The following BOP1 variants were observed in gnomAD, a reference collection of about 807,000 sequenced individuals.
BOP1 encodes the protein BOP1 ribosomal biogenesis factor.
A neutral mutation model predicts 82.9 loss-of-function variants in BOP1; 54 were observed. That is an observed-to-expected ratio of 0.65 (90% CI 0.52 to 0.82). The LOEUF (loss-of-function observed/expected upper bound fraction) is 0.82, where lower values mean the gene tolerates loss of function less well. Ranked by LOEUF, BOP1 falls within the 40% of genes least tolerant of loss-of-function variation. The pLI, the probability that BOP1 is intolerant of heterozygous loss-of-function variation, is 0.00. For missense variants in BOP1, 1,170 were observed against 1,072.0 expected, an observed-to-expected ratio of 1.09 and a Z score of -1.28; for synonymous variants, 566 against 451.1, an observed-to-expected ratio of 1.25 and a Z score of -3.23.
intron 2 of BOP1, among the ~76,000 whole-genome samples, chr8:144,284,034 T>G (rs567697319): frequency 2.6e-5 from 4 of 152,280 alleles, no homozygotes; most frequent in East Asian, 3.9e-4. Context: ...GGAGAATCAC[T>G]TGAACCCAGG....
At chr8:144,288,095 G>A (rs376483045) in intron 2 of BOP1, among the ~76,000 whole-genome samples, 7 of 151,886 alleles carry the variant, frequency 4.6e-5, no homozygotes, top group South Asian at 2.1e-4. Flanking sequence ...GTGAAACCCC[G>A]TCACTACTAA....
intron 3 of BOP1, chr8:144,268,520 A>C (rs1588593267): frequency 1.4e-5 from 4 of 290,954 alleles, no homozygotes; most frequent in Non-Finnish European, 1.9e-5. Context: ...TTCAGAATCC[A>C]CCCCCAGCCC....
rs1845310923 is a variant in BOP1 at position 144,264,499 on chromosome 8, G to A, written c.765+16C>T. ...GCGGTCAGCCCAGGCCAAGCCCCAG[G>A]GGCTGTGTGCCCCACCTTCTCCTTC... On this transcript the variant is annotated intron_variant, in intron 6 of 15. Transcript: ENST00000569669. 3 of 1,609,126 alleles carry A rather than the reference G, an allele frequency of 1.9e-6. No individual in the cohort carries two copies. The highest frequency in any genetic ancestry group is 2.7e-5 in the African/African-American group (2 of 74,878).
chr8:144,282,782 A>G (rs1199727977), intron 2 of BOP1, among the ~76,000 whole-genome samples: 1 of 152,072 alleles, frequency 6.6e-6, no homozygotes, highest in Non-Finnish European at 1.5e-5. Context: ...TCATGCCAAC[A>G]GTCAGGGGAG....
intron 2 of BOP1, among the ~76,000 whole-genome samples, chr8:144,286,946 G>A (rs183141001): frequency 1.4e-3 from 207 of 152,368 alleles, no homozygotes; most frequent in Non-Finnish European, 9.0e-4. Context: ...AGAAGATGGC[G>A]CCTCCCTAGA....
chr8:144,264,816 G>C lies in BOP1; in HGVS notation c.561C>G (p.Asp187Glu). The change falls in exon 5 of 16, where the codon GAC becomes GAG. Residue 187 changes from aspartate (D) to glutamate (E), a missense_variant. Physicochemically the swap from Asp to Glu is conservative, Grantham distance 45. Transcript: ENST00000569669. ...GTCTCAGGTCCCGCCCTGTCATCGG[G>C]TCCTGCACGGTGCGCCTGGAGACCG... ...DDPDYWRTVQ[D>E]PMTGRDLRLT... 2 of 1,609,426 alleles carry C rather than the reference G, an allele frequency of 1.2e-6. No homozygotes were observed. The highest frequency in any genetic ancestry group is 2.2e-5 in the South Asian group (2 of 90,806).
At position 144,264,067 on chromosome 8, in the gene BOP1, C is replaced by T. The variant is rs987446726; in HGVS notation, c.1054G>A (p.Ala352Thr). ...FLPRKFPSLR[A>T]VPAYGRFIQE... ...ATGAAGCGTCCGTAGGCAGGCACGG[C>T]CCGCAGGCTCGGGAACTTGCGTGGC... The change falls in exon 8 of 16, where the codon GCC becomes ACC. Residue 352 changes from alanine to threonine, a missense_variant. Physicochemically the swap from Ala to Thr is moderately conservative, Grantham distance 58. Transcript: ENST00000569669. 3 of 1,610,020 alleles carry T rather than the reference C, an allele frequency of 1.9e-6. No homozygotes were observed. The highest frequency in any genetic ancestry group is 2.5e-6 in the Non-Finnish European group (3 of 1,179,632).
Position 144,263,524 on chromosome 8 carries a change from C to T in BOP1, c.1378G>A (p.Val460Met). Residue 460 changes from valine to methionine, a missense_variant, in exon 11 of 16, where the codon GTG (valine) becomes ATG (methionine). Physicochemically the swap from Val to Met is conservative, Grantham distance 21. Coordinates refer to ENST00000569669, the MANE Select transcript of BOP1 (RefSeq NM_015201.5). ...ACAGCGGGGCTGGGGTTCCAGGCCA[C>T]ACTCTTCACCACGCCCCCCACGGGA... Reference protein sequence around the residue: ...TVPVGGVVKSVAWNPSPAVCL... With the variant: ...TVPVGGVVKSMAWNPSPAVCL... 6.3e-7 allele frequency: 1 copy of T among 1,599,618 alleles called. No individual in the cohort carries two copies. The highest frequency in any genetic ancestry group is 1.1e-5 in the South Asian group (1 of 91,042).
chr8:144,264,028 C>G lies in BOP1; in HGVS notation c.1093G>C (p.Glu365Gln). The change falls in exon 8 of 16, where the codon GAG becomes CAG. Residue 365 changes from glutamate to glutamine, a missense_variant. Glu to Gln is a conservative substitution (Grantham distance 29). Transcript: ENST00000569669. ...AYGRFIQERF[E>Q]RCLDLYLCPR... is the part of the protein sequence containing the mutation. ...CACAGGTACAGGTCAAGGCAGCGCT[C>G]GAAGCGTTCCTGGATGAAGCGTCCG... is the stretch of plus-strand genomic sequence containing the variant. The G allele has an allele frequency of 1.2e-6, 2 of 1,609,140 alleles. No homozygotes were observed. The highest frequency in any genetic ancestry group is 2.2e-5 in the South Asian group (2 of 91,066).
intron 2 of BOP1, among the ~76,000 whole-genome samples, chr8:144,282,444 G>A (rs1554839043): frequency 6.6e-6 from 1 of 152,150 alleles, no homozygotes; most frequent in Non-Finnish European, 1.5e-5. Context: ...TGGAGATGGG[G>A]TGGGCCCTGG....
chr8:144,262,402 A>C lies in BOP1; in HGVS notation c.2081T>G (p.Val694Gly), dbSNP rs1845220886. The part of the protein sequence containing the change: ...DGSVIVCHGM[V>G]YNDLLQNPLL... ...AGGCAGGGTCAGCACTCACTTGTACACCATGCCATGGCAGACGATGACACT... is the reference window on the plus strand; with the variant it reads ...AGGCAGGGTCAGCACTCACTTGTACCCCATGCCATGGCAGACGATGACACT... Residue 694 changes from valine to glycine, a missense_variant, in exon 15 of 16, where the codon GTG (valine) becomes GGG (glycine). By Grantham distance (109) the Val-to-Gly change is moderately radical (BLOSUM62 -3). Coordinates refer to ENST00000569669, the MANE Select transcript of BOP1 (RefSeq NM_015201.5). 3.1e-6 allele frequency: 5 copies of C among 1,612,552 alleles called. No individual in the cohort carries two copies. The highest frequency in any genetic ancestry group is 2.5e-6 in the Non-Finnish European group (3 of 1,179,802).
intron 3 of BOP1, chr8:144,265,484 T>G: frequency 4.1e-6 from 1 of 245,066 alleles, no homozygotes; most frequent in African/African-American, 2.3e-5. Flanking sequence ...AACTGACCCA[T>G]TCCACAGAGA....
At chr8:144,265,752 T>G in intron 3 of BOP1, 1 of 154,628 alleles carries the variant, frequency 6.5e-6, no homozygotes, top group Non-Finnish European at 1.4e-5. Flanking sequence ...CCTTGGGCCC[T>G]GCCCCCTGCT....
At chr8:144,264,649 G>A in intron 5 of BOP1, 33 bp from the exon 6 acceptor site, 3 of 1,572,070 alleles carry the variant, frequency 1.9e-6, no homozygotes, top group Middle Eastern at 2.0e-4. Flanking sequence ...GTGGGCCAGA[G>A]TGGCTGAGGC....
chr8:144,290,662 C>A (rs1815030500), intron 1 of BOP1, among the ~76,000 whole-genome samples: 1 of 152,208 alleles, frequency 6.6e-6, no homozygotes, highest in Admixed American at 6.5e-5. Context: ...GAGTGGCCTG[C>A]GGGCCATTCA....
In BOP1 at chr8:144,262,618, T is replaced by C; in HGVS notation, c.1949A>G (p.Asp650Gly). 6 of 1,613,376 alleles carry C rather than the reference T, an allele frequency of 3.7e-6. No individual in the cohort carries two copies. The South Asian group carries it at 6.6e-5, about 18-fold the overall frequency. ...CATCCTGTATGGCTTGGTGGAAAGA[T>C]CCAGGTCAAACCACACCAGCTTGCT... ...YDSKLVWFDL[D>G]LSTKPYRMLR... Residue 650 changes from aspartate to glycine, a missense_variant, in exon 14 of 16, where the codon GAT becomes GGT. Coordinates refer to ENST00000569669, the MANE Select transcript of BOP1 (RefSeq NM_015201.5).
Position 144,289,101 on chromosome 8 carries a change from C to T in BOP1, c.303G>A (p.Gln101=), listed in dbSNP as rs1814961704. The T allele has an allele frequency of 6.2e-7, 1 of 1,614,050 alleles. No individual in the cohort carries two copies. The highest frequency in any genetic ancestry group is 1.3e-5 in the African/African-American group (1 of 74,940). The part of the protein sequence containing the change: ...HSGIKKTTEE[Q]VQASTPCPRT... ...GGGCTCCTCGCTCACCCACCTGCAC[C>T]TGCTCCTCAGTGGTCTTTTTAATCC... The change falls in exon 2 of 16, where the codon CAG becomes CAA. Residue 101 remains glutamine (Q), a synonymous_variant. Transcript: ENST00000569669.
At chr8:144,284,228 G>C (rs542304629) in intron 2 of BOP1, among the ~76,000 whole-genome samples, 1 of 152,354 alleles carries the variant, frequency 6.6e-6, no homozygotes, top group East Asian at 1.9e-4. Flanking sequence ...AGCCCAGGAA[G>C]TTGAGATTTT....
At chr8:144,289,354 A>G (rs375858499) in intron 1 of BOP1, 50 bp from the exon 2 acceptor site, 3 of 1,582,626 alleles carry the variant, frequency 1.9e-6, no homozygotes, top group Non-Finnish European at 2.6e-6. Context: ...GGCATGGGGC[A>G]CTGAACACTG....
Sources: allele counts gnomAD v4.1 joint callset (sites outside exome capture counted in the v4.1 genomes callset), GRCh38; gene constraint gnomAD v4.1.1; transcripts MANE v1.5; gene names NCBI Gene and HGNC (gene_info 2026-07-23, HGNC 2026-07-21).